Variants in EIPR1 observed in about 807,000 individuals in gnomAD.
EIPR1 encodes EARP and GARP complex-interacting protein 1.
EIPR1 carries 25 observed loss-of-function variants against 48.1 expected under a neutral mutation model. That is an observed-to-expected ratio of 0.52 (90% confidence interval 0.38 to 0.73). The LOEUF (loss-of-function observed/expected upper bound fraction) is 0.73. EIPR1 is among the 30% of genes least tolerant of loss of function. The probability of loss-of-function intolerance (pLI) is 0.00; values close to 1 mark genes in which losing one functional copy is unlikely to be tolerated. For missense variants in EIPR1, 415 were observed against 506.2 expected (o/e 0.82, Z 1.73); for synonymous variants, 204 against 201.9 (o/e 1.01, Z -0.09).
intron 1 of EIPR1, among the ~76,000 whole-genome samples, chr2:3,374,282 G>A (rs1659797849): frequency 6.6e-6 from 1 of 152,100 alleles, no homozygotes; most frequent in African/African-American, 2.4e-5. Flanking sequence ...AACCCTAGAA[G>A]AAAACCTAGG....
At chr2:3,225,222 A>ATATG (rs1205379602) in intron 4 of EIPR1, among the ~76,000 whole-genome samples, 2 of 137,022 alleles carry the variant, frequency 1.5e-5, no homozygotes, top group South Asian at 5.1e-4. Context: ...ACACTGTGAT[A>ATATG]TGTGTGTGTG....
At chr2:3,309,591 T>C (rs1669059327) in intron 3 of EIPR1, among the ~76,000 whole-genome samples, 3 of 152,074 alleles carry the variant, frequency 2.0e-5, no homozygotes. Flanking sequence ...CCCAGCTCCA[T>C]ACGGCCTATG....
intron 3 of EIPR1, among the ~76,000 whole-genome samples, chr2:3,328,679 G>A (rs1452738863): frequency 1.4e-5 from 2 of 143,582 alleles, no homozygotes; most frequent in African/African-American, 5.3e-5. Context: ...GCACCAGCCA[G>A]GCTCCCCTGA....
chr2:3,363,062 G>A (rs1670889232), intron 1 of EIPR1, among the ~76,000 whole-genome samples: 1 of 152,138 alleles, frequency 6.6e-6, no homozygotes, highest in African/African-American at 2.4e-5. Flanking sequence ...TTGGGCTTGG[G>A]GTAAATGACA....
At chr2:3,294,999 A>ACC in intron 3 of EIPR1, among the ~76,000 whole-genome samples, 1 of 64,196 alleles carries the variant, frequency 1.6e-5, no homozygotes, top group Non-Finnish European at 3.0e-5. Flanking sequence ...ACACACACAC[A>ACC]CACCCTCCAT....
intron 3 of EIPR1, among the ~76,000 whole-genome samples, chr2:3,310,909 C>G (rs552261504): frequency 6.6e-6 from 1 of 151,772 alleles, no homozygotes; most frequent in African/African-American, 2.4e-5. Flanking sequence ...GCCCAGTTTC[C>G]CATATGTTAG....
intron 3 of EIPR1, among the ~76,000 whole-genome samples, chr2:3,324,147 G>C (rs1324808738): frequency 6.6e-6 from 1 of 152,216 alleles, no homozygotes; most frequent in Non-Finnish European, 1.5e-5. Flanking sequence ...TTACAGATGA[G>C]AAGACTGAGG....
chr2:3,240,403 C>G (rs1191049588), intron 4 of EIPR1, among the ~76,000 whole-genome samples: 8 of 150,102 alleles, frequency 5.3e-5, no homozygotes, highest in Non-Finnish European at 8.9e-5. Context: ...AAAGCAAAGC[C>G]AGCAGATCCT....
At position 3,214,213 on chromosome 2, in the gene EIPR1, A is replaced by T. The variant is rs201879413; in HGVS notation, c.452T>A (p.Ile151Asn). The change falls in exon 5 of 9, where the codon ATC (isoleucine) becomes AAC (asparagine). Residue 151 changes from isoleucine (I) to asparagine (N), a missense_variant. Physicochemically the swap from Ile to Asn is moderately radical, Grantham distance 149. Coordinates refer to ENST00000382125, the MANE Select transcript of EIPR1 (RefSeq NM_003310.5). ...GATATGGTTATCAGCCAAGGAAATG[A>T]TTTTCTTCCCATCTCCCATTGGCTC... is the stretch of plus-strand genomic sequence containing the variant. The part of the protein sequence containing the change: ...VWEPMGDGKK[I>N]ISLADNHILL... 4 of 1,613,776 alleles carry T rather than the reference A, an allele frequency of 2.5e-6. No individual in the cohort carries two copies. The highest frequency in any genetic ancestry group is 3.4e-6 in the Non-Finnish European group (4 of 1,179,872).
intron 3 of EIPR1, among the ~76,000 whole-genome samples, chr2:3,336,826 G>GGGAAA: frequency 7.0e-6 from 1 of 143,714 alleles, no homozygotes; most frequent in Admixed American, 7.3e-5. Flanking sequence ...GAAAAGAAAA[G>GGGAAA]GGAAGGGAAG....
At chr2:3,262,869 G>A (rs935435407) in intron 3 of EIPR1, among the ~76,000 whole-genome samples, 7 of 152,154 alleles carry the variant, frequency 4.6e-5, no homozygotes, top group Admixed American at 2.0e-4. Context: ...GCACAGGGTC[G>A]GGCAGGGCCA....
At chr2:3,322,976 T>C (rs892170192) in intron 3 of EIPR1, among the ~76,000 whole-genome samples, 1 of 152,174 alleles carries the variant, frequency 6.6e-6, no homozygotes, top group Non-Finnish European at 1.5e-5. Flanking sequence ...ACAGCCAATA[T>C]ATAAGCGAAA....
At chr2:3,320,645 C>A (rs561489679) in intron 3 of EIPR1, 2 of 152,300 alleles carry the variant, frequency 1.3e-5, no homozygotes, top group African/African-American at 4.8e-5. Flanking sequence ...TAACTTGTTC[C>A]CTGAAATCAC....
At chr2:3,338,248 G>T in intron 2 of EIPR1, 99 bp from the exon 3 acceptor site, 1 of 1,383,096 alleles carries the variant, frequency 7.2e-7, no homozygotes, top group Non-Finnish European at 9.8e-7. Flanking sequence ...TGCACATTTC[G>T]TGACAGATAC....
At chr2:3,269,036 T>C (rs1197673210) in intron 3 of EIPR1, among the ~76,000 whole-genome samples, 2 of 152,214 alleles carry the variant, frequency 1.3e-5, no homozygotes, top group African/African-American at 4.8e-5. Context: ...AGGAAAGCAG[T>C]GTCCCTTCTG....
intron 3 of EIPR1, among the ~76,000 whole-genome samples, chr2:3,291,324 G>A (rs977076900): frequency 6.6e-6 from 1 of 152,120 alleles, no homozygotes; most frequent in Non-Finnish European, 1.5e-5. Context: ...CACGTAGCGG[G>A]CTGCACGCAC....
At chr2:3,309,400 A>G (rs1669051611) in intron 3 of EIPR1, among the ~76,000 whole-genome samples, 1 of 152,226 alleles carries the variant, frequency 6.6e-6, no homozygotes, top group African/African-American at 2.4e-5. Flanking sequence ...AAAAACGTTC[A>G]CATAACTCAG....
chr2:3,189,459 C>T lies in EIPR1; in HGVS notation c.1039G>A (p.Glu347Lys). The change falls in exon 9 of 9, where the codon GAG (glutamate) becomes AAG (lysine). Residue 347 changes from glutamate to lysine, a missense_variant. By Grantham distance (56) the Glu-to-Lys change is moderately conservative. Transcript: ENST00000382125. This position sits in a 1 kb window ranked among gnomAD's most constrained non-coding sequence, Gnocchi z 4.6. ...DNVIATYEEH[E>K]DSVYAVDWSS... Reference sequence around the variant, plus strand: ...CAGTCCACGGCATAGACGCTGTCCTCGTGCTCCTCGTAGGTGGCGATCACG... The same window carrying T: ...CAGTCCACGGCATAGACGCTGTCCTTGTGCTCCTCGTAGGTGGCGATCACG... The T allele has an allele frequency of 6.3e-7, 1 of 1,577,462 alleles. No homozygotes were observed.
chr2:3,253,615 C>T (rs1038105863), intron 4 of EIPR1, among the ~76,000 whole-genome samples: 9 of 152,202 alleles, frequency 5.9e-5, no homozygotes, highest in African/African-American at 2.2e-4. Flanking sequence ...CAGTACTTCC[C>T]AGCTAGTCTC....
Sources: gnomAD v4.1 joint callset for allele counts (sites outside exome capture counted in the v4.1 genomes callset) on GRCh38, gnomAD v4.1.1 for gene constraint, Gnocchi (gnomAD v3.1) non-coding constraint, MANE v1.5 for transcripts, NCBI Gene and HGNC (gene_info 2026-07-23, HGNC 2026-07-21) for gene names.